Variants in ALG6 observed in about 807,000 individuals in gnomAD.
The protein encoded by ALG6 is ALG6 alpha-1,3-glucosyltransferase.
A neutral mutation model predicts 66.6 loss-of-function variants in ALG6; 46 were observed. The observed-to-expected ratio is 0.69, with a 90% CI of 0.55 to 0.88. The LOEUF (loss-of-function observed/expected upper bound fraction) is 0.88. ALG6 is among the 40% of genes least tolerant of loss of function. The pLI, the probability that ALG6 is intolerant of heterozygous loss-of-function variation, is 0.00. For missense variants in ALG6, 505 were observed against 586.8 expected (o/e 0.86, Z 1.44); for synonymous variants, 185 against 203.7 (o/e 0.91, Z 0.78).
chr1:63,427,951 C>A (rs535687117), intron 12 of ALG6, among the ~76,000 whole-genome samples: 4 of 151,844 alleles, frequency 2.6e-5, no homozygotes, highest in East Asian at 1.9e-4. Flanking sequence ...GGATTACAGG[C>A]ACGCACCACC....
chr1:63,396,460 C>A, intron 2 of ALG6, 53 bp from the exon 3 acceptor site: 1 of 1,443,092 alleles, frequency 6.9e-7, no homozygotes, highest in Non-Finnish European at 9.8e-7. Context: ...AAATAAAAAT[C>A]ACTGATATGC....
At chr1:63,421,335 A>C (rs546295175) in intron 12 of ALG6, among the ~76,000 whole-genome samples, 4 of 152,072 alleles carry the variant, frequency 2.6e-5, no homozygotes, top group African/African-American at 7.2e-5. Flanking sequence ...GATACTGGAG[A>C]GTTTGTGGAG....
chr1:63,423,169 G>A (rs145337825), intron 12 of ALG6, among the ~76,000 whole-genome samples: 3,595 of 151,490 alleles, frequency 0.024, 61 homozygotes, highest in Middle Eastern at 0.086. Flanking sequence ...GACTACAGAC[G>A]CACACCACCA....
chr1:63,379,227 C>T (rs947187634), intron 2 of ALG6, among the ~76,000 whole-genome samples: 2 of 152,084 alleles, frequency 1.3e-5, no homozygotes, highest in Non-Finnish European at 2.9e-5. Flanking sequence ...GTGCATTTTT[C>T]CACATAGGGT....
At chr1:63,382,715 G>T (rs1226616888) in intron 2 of ALG6, among the ~76,000 whole-genome samples, 4 of 139,900 alleles carry the variant, frequency 2.9e-5, no homozygotes, top group Non-Finnish European at 6.1e-5. Context: ...TGGCTCTGTC[G>T]CCCAGGCTGG....
At chr1:63,412,380 C>T (rs534069388) in intron 9 of ALG6, among the ~76,000 whole-genome samples, 1 of 152,158 alleles carries the variant, frequency 6.6e-6, no homozygotes, top group East Asian at 1.9e-4. Flanking sequence ...TTATTTAATC[C>T]ATTATATAAC....
intron 2 of ALG6, among the ~76,000 whole-genome samples, chr1:63,377,099 T>A (rs1312453761): frequency 6.6e-6 from 1 of 152,054 alleles, no homozygotes; most frequent in African/African-American, 2.4e-5. Flanking sequence ...GTGGCTGGGA[T>A]TACAGGCGTG....
intron 2 of ALG6, among the ~76,000 whole-genome samples, chr1:63,388,536 G>T (rs1018718161): frequency 6.6e-6 from 1 of 152,006 alleles, no homozygotes; most frequent in Non-Finnish European, 1.5e-5. Context: ...ATTTTATTCT[G>T]TGTCTTGAAA....
chr1:63,397,316 T>G (rs1648855775), intron 3 of ALG6, among the ~76,000 whole-genome samples: 1 of 151,858 alleles, frequency 6.6e-6, no homozygotes, highest in Non-Finnish European at 1.5e-5. Flanking sequence ...CTCCCAAGTA[T>G]CTGGGATTGC....
Position 63,390,359 on chromosome 1 carries a change from T to C in ALG6, c.83-6154T>C, listed in dbSNP as rs529203216. ...CCTCAGGACTCTGCCTGGTACCTTA[T>C]TTTGCTGTGGCAGAGCTGGTATTTA... On this transcript the variant is annotated intron_variant, in intron 2 of 14. Transcript: ENST00000263440. 6.6e-5 allele frequency among the ~76,000 whole-genome samples: 10 copies of C among 152,282 alleles called. No homozygotes were observed. The East Asian group carries it at 1.9e-3, about 29-fold the overall frequency.
At chr1:63,415,297 C>T (rs1006350460) in intron 10 of ALG6, among the ~76,000 whole-genome samples, 2 of 152,182 alleles carry the variant, frequency 1.3e-5, no homozygotes, top group African/African-American at 2.4e-5. Context: ...TTCCAGGCCA[C>T]TTTGCTTGTT....
chr1:63,419,197 T>G (rs1012950556), intron 11 of ALG6, among the ~76,000 whole-genome samples, 173 bp from the exon 12 acceptor site: 4 of 152,178 alleles, frequency 2.6e-5, no homozygotes, highest in Non-Finnish European at 5.9e-5. Flanking sequence ...ATATGTCAAT[T>G]TTTTAATTTG....
chr1:63,403,482 T>G (rs1644475415), intron 4 of ALG6, among the ~76,000 whole-genome samples: 1 of 152,220 alleles, frequency 6.6e-6, no homozygotes, highest in East Asian at 1.9e-4. Context: ...TGTAGTGGTA[T>G]TCCATCTTAG....
At chr1:63,415,826 A>G (rs1485039698) in intron 10 of ALG6, 47 bp from the exon 11 acceptor site, 1 of 1,254,390 alleles carries the variant, frequency 8.0e-7, no homozygotes, top group South Asian at 1.3e-5. Flanking sequence ...AGCTAGATTT[A>G]TACCTCTACA....
chr1:63,402,462 T>A (rs1644469784), intron 4 of ALG6, 119 bp downstream of exon 4: 1 of 213,622 alleles, frequency 4.7e-6, no homozygotes, highest in East Asian at 9.3e-5. Context: ...GCTATTGTAT[T>A]TTTTTTTTTT....
intron 4 of ALG6, among the ~76,000 whole-genome samples, chr1:63,403,471 CTG>C (rs1644475321): frequency 6.6e-6 from 1 of 152,198 alleles, no homozygotes; most frequent in Non-Finnish European, 1.5e-5. Flanking sequence ...CAGTTCTACT[CTG>C]TAGTGGTATT....
In ALG6 at chr1:63,373,437, T is replaced by C. The variant is rs574342880; in HGVS notation, c.82+2378T>C. Among the ~76,000 whole-genome samples, 25 of 151,630 alleles carry C rather than the reference T, an allele frequency of 1.6e-4. 1 individual carries two copies. In the East Asian group the frequency reaches 4.4e-3, roughly 27 times the overall value. On this transcript the variant is annotated intron_variant, in intron 2 of 14. Coordinates refer to ENST00000263440, the MANE Select transcript of ALG6 (RefSeq NM_013339.4). ...GAGCAACATGGCAAAACCCCGTCTC[T>C]ATTAAAAATACAAAAATTAGCCGGG...
chr1:63,431,619 C>T (rs1161803102), intron 14 of ALG6, among the ~76,000 whole-genome samples: 6 of 152,062 alleles, frequency 3.9e-5, no homozygotes, highest in Admixed American at 3.3e-4. Flanking sequence ...TGAATATTGC[C>T]GTCTTAATAT....
chr1:63,419,338 T>C, intron 11 of ALG6, 32 bp from the exon 12 acceptor site: 1 of 1,516,746 alleles, frequency 6.6e-7, no homozygotes. Context: ...CACAAGTTGT[T>C]ATATCTCATT....
Sources: allele counts gnomAD v4.1 joint callset (sites outside exome capture counted in the v4.1 genomes callset), GRCh38; gene constraint gnomAD v4.1.1; transcripts MANE v1.5; gene names NCBI Gene and HGNC (gene_info 2026-07-23, HGNC 2026-07-21).